The following ERP27 variants were observed in gnomAD, a reference collection of about 807,000 sequenced individuals.
ERP27 encodes the protein endoplasmic reticulum resident protein 27.
Under a neutral mutation model 27.7 loss-of-function variants are expected in ERP27, and 23 were observed. That is an observed-to-expected ratio of 0.83 (90% confidence interval 0.60 to 1.18). The LOEUF (loss-of-function observed/expected upper bound fraction) is 1.18, where lower values mean the gene tolerates loss of function less well. ERP27 is among the 50% of genes most tolerant of loss of function. The pLI is 0.00. For missense variants in ERP27, 363 were observed against 327.9 expected, an observed-to-expected ratio of 1.11 and a Z score of -0.83; for synonymous variants, 159 against 118.3, an observed-to-expected ratio of 1.34 and a Z score of -2.23.
intron 3 of ERP27, among the ~76,000 whole-genome samples, chr12:14,929,466 T>C (rs777278715): frequency 2.6e-5 from 4 of 152,214 alleles, no homozygotes; most frequent in Non-Finnish European, 5.9e-5. Flanking sequence ...TAAAGGGAAT[T>C]ATTTGCATAA....
At position 14,915,494 on chromosome 12, in the gene ERP27, AT is replaced by A; in HGVS notation, c.768del (p.Lys256AsnfsTer3). 6.2e-7 allele frequency: 1 copy of A among 1,613,832 alleles called. No individual in the cohort carries two copies. Among genetic ancestry groups the A allele is most frequent in the South Asian group, 1.1e-5 (1 of 91,058 alleles). ...QNFCDGFLSG[K>X]LLKENRESEG... Reference sequence around the variant, plus strand: ...ACCTGCAGTCTCACACTTACCAACAATTTTCCACTTAGGAATCCATCACAAA... The same window carrying A: ...ACCTGCAGTCTCACACTTACCAACAATTTCCACTTAGGAATCCATCACAAA... On this transcript the variant is annotated frameshift_variant, in exon 6 of 7. Transcript: ENST00000266397. LOFTEE classifies it high-confidence loss of function.
chr12:14,932,885 A>G (rs1173354047), intron 3 of ERP27, among the ~76,000 whole-genome samples: 4 of 152,218 alleles, frequency 2.6e-5, no homozygotes, highest in Non-Finnish European at 5.9e-5. Flanking sequence ...AGATGGAGGA[A>G]TATGATTAGC....
intron 4 of ERP27, among the ~76,000 whole-genome samples, 162 bp from the exon 5 acceptor site, chr12:14,917,465 C>T (rs552775689): frequency 6.6e-6 from 1 of 152,208 alleles, no homozygotes; most frequent in African/African-American, 2.4e-5. Flanking sequence ...CTTACCATCT[C>T]GTTTTCATGC....
intron 4 of ERP27, among the ~76,000 whole-genome samples, chr12:14,917,771 T>C (rs1863435362): frequency 6.6e-6 from 1 of 152,168 alleles, no homozygotes; most frequent in African/African-American, 2.4e-5. Flanking sequence ...CAGTTGAGCC[T>C]TCAGATGACT....
chr12:14,928,964 G>A (rs11056243), intron 3 of ERP27: 557,689 of 1,534,320 alleles, frequency 0.36, 104,284 homozygotes, highest in Middle Eastern at 0.41. Context: ...CAGCTGGCAA[G>A]TCTCCTTCAT....
chr12:14,917,426 C>G (rs531770408), intron 4 of ERP27, 123 bp from the exon 5 acceptor site: 4 of 1,324,786 alleles, frequency 3.0e-6, no homozygotes, highest in East Asian at 2.3e-5. Flanking sequence ...ACAAATGGAA[C>G]TAGCTTCCAA....
chr12:14,919,356 T>A (rs892182174), intron 4 of ERP27, among the ~76,000 whole-genome samples: 1 of 152,114 alleles, frequency 6.6e-6, no homozygotes, highest in Non-Finnish European at 1.5e-5. Context: ...AGATCAGGCA[T>A]AAGAAACCAG....
intron 1 of ERP27, 151 bp downstream of exon 1, chr12:14,938,264 C>A: frequency 1.2e-6 from 1 of 849,356 alleles, no homozygotes; most frequent in East Asian, 2.5e-5. Context: ...CCAGACTTCC[C>A]TACTCTCTAC....
At chr12:14,924,687 G>C (rs2430700) in intron 3 of ERP27, among the ~76,000 whole-genome samples, 99,251 of 152,076 alleles carry the variant, frequency 0.65, 32,616 homozygotes, top group East Asian at 0.86. Context: ...GCCTATCGCT[G>C]TCAGAGATGT....
chr12:14,933,837 T>C (rs1475302983), intron 3 of ERP27, among the ~76,000 whole-genome samples: 1 of 152,216 alleles, frequency 6.6e-6, no homozygotes, highest in East Asian at 1.9e-4. Flanking sequence ...TTAATTTCTG[T>C]TGCTACCTCT....
rs142243826 is a variant in ERP27, at chr12:14,921,108, C to T, written c.334-60G>A. On this transcript the variant is annotated intron_variant, in intron 3 of 6. Coordinates refer to ENST00000266397, the MANE Select transcript of ERP27 (RefSeq NM_152321.4). ...CATCTTTTTTTCATGTATTGATAAA[C>T]GTCTTTAGACCCCCATGTGACAGGC... 1.3e-3 allele frequency: 1,801 copies of T among 1,360,264 alleles called. 20 individuals are homozygous for T. The African/African-American group carries it at 0.02, about 15-fold the overall frequency. The allele number at this position is 1,360,264 out of a possible 1,614,324, so 84.3% of individuals were successfully genotyped here. A position where few individuals can be genotyped will look rare whatever the true frequency, so the allele number is the denominator to read the frequency against.
chr12:14,921,157 A>T lies in ERP27; in HGVS notation c.334-109T>A, dbSNP rs1214322547. ...GCACTGATTAAAGCTCTGAAGACCA[A>T]AAGATAAGTAAGAGAGTTTCTCTGC... On this transcript the variant is annotated intron_variant, in intron 3 of 6. Transcript: ENST00000266397. 1.4e-5 allele frequency: 12 copies of T among 836,438 alleles called. No individual in the cohort carries two copies. The Admixed American group carries it at 1.9e-4, about 13-fold the overall frequency. The allele number at this position is 836,438 out of a possible 1,614,324, so 51.8% of individuals were successfully genotyped here. A position where few individuals can be genotyped will look rare whatever the true frequency, so the allele number is the denominator to read the frequency against.
At chr12:14,933,197 C>T (rs1317190269) in intron 3 of ERP27, among the ~76,000 whole-genome samples, 1 of 152,170 alleles carries the variant, frequency 6.6e-6, no homozygotes, top group African/African-American at 2.4e-5. Context: ...ACAGAACAGT[C>T]TTTGCCTTCA....
At chr12:14,927,172 A>G (rs1231356560) in intron 3 of ERP27, among the ~76,000 whole-genome samples, 3 of 152,048 alleles carry the variant, frequency 2.0e-5, no homozygotes, top group African/African-American at 7.2e-5. Context: ...TATTTTGATG[A>G]TAGTCTCTCT....
intron 2 of ERP27, 28 bp from the exon 3 acceptor site, chr12:14,935,021 CA>C: frequency 6.2e-7 from 1 of 1,608,220 alleles, no homozygotes; most frequent in Non-Finnish European, 8.5e-7. Context: ...AATAATACCA[CA>C]GTGGTTATTT....
intron 4 of ERP27, among the ~76,000 whole-genome samples, chr12:14,918,061 T>G (rs1250092302): frequency 6.6e-6 from 1 of 152,246 alleles, no homozygotes; most frequent in Admixed American, 6.5e-5. Flanking sequence ...TAGTTCGTAC[T>G]TATTGAGTGT....
At chr12:14,921,854 T>C (rs1172490434) in intron 3 of ERP27, among the ~76,000 whole-genome samples, 3 of 152,182 alleles carry the variant, frequency 2.0e-5, no homozygotes, top group African/African-American at 7.2e-5. Context: ...CTTTATACCT[T>C]TATAACTTAA....
intron 3 of ERP27, among the ~76,000 whole-genome samples, chr12:14,933,794 T>C (rs1413357583): frequency 1.3e-5 from 2 of 152,148 alleles, no homozygotes; most frequent in Admixed American, 1.3e-4. Flanking sequence ...TCCATAACTG[T>C]GATATCTAAT....
intron 3 of ERP27, among the ~76,000 whole-genome samples, chr12:14,924,990 A>G (rs959908926): frequency 1.3e-5 from 2 of 152,202 alleles, no homozygotes; most frequent in Non-Finnish European, 2.9e-5. Flanking sequence ...AAGTTACCCT[A>G]TATGGTCTGA....
Sources: allele counts gnomAD v4.1 joint callset (sites outside exome capture counted in the v4.1 genomes callset), GRCh38; gene constraint gnomAD v4.1.1; transcripts MANE v1.5; gene names NCBI Gene and HGNC (gene_info 2026-07-23, HGNC 2026-07-21).